The following NDST3 variants were observed in gnomAD, a reference collection of about 807,000 sequenced individuals.
NDST3 encodes N-deacetylase and N-sulfotransferase 3.
In NDST3, 58 loss-of-function variants were observed where a neutral mutation model predicts 96.1. That is an observed-to-expected ratio of 0.60 (90% CI 0.49 to 0.75). The LOEUF is 0.75. Among genes scored for constraint, NDST3 ranks in the 30% least tolerant of loss-of-function variants. The pLI is 0.00. For synonymous variants in NDST3, 333 were observed against 359.7 expected (o/e 0.93, Z 0.84); for missense variants, 788 against 1,034.2 (o/e 0.76, Z 3.27).
chr4:118,085,101 C>T (rs1400650102), intron 2 of NDST3, among the ~76,000 whole-genome samples: 29 of 146,164 alleles, frequency 2.0e-4, no homozygotes, highest in Non-Finnish European at 3.6e-4. Flanking sequence ...CCAGCCTGGG[C>T]GACAGAGCGA....
rs150556933 is a variant in NDST3 at position 118,121,702 on chromosome 4, T to G, written c.1224+6742T>G. 3.4e-3 allele frequency among the ~76,000 whole-genome samples: 514 copies of G among 152,252 alleles called. 2 individuals carry two copies. The highest frequency in any genetic ancestry group is 0.011 in the African/African-American group (471 of 41,556). Reference sequence around the variant, plus strand: ...TGAGGAAGCATAAGAGAATAACAGGTCAAAAATAACATTAGGGTTTAAGCC... The same window carrying G: ...TGAGGAAGCATAAGAGAATAACAGGGCAAAAATAACATTAGGGTTTAAGCC... On this transcript the variant is annotated intron_variant, in intron 4 of 13. Transcript: ENST00000296499.
chr4:118,124,775 T>C (rs2125879042), intron 4 of NDST3, among the ~76,000 whole-genome samples: 1 of 152,224 alleles, frequency 6.6e-6, no homozygotes, highest in South Asian at 2.1e-4. Flanking sequence ...AGTGATAAGG[T>C]GACACTTCTG....
intron 1 of NDST3, among the ~76,000 whole-genome samples, chr4:118,047,904 C>T (rs180765729): frequency 4.0e-4 from 61 of 152,146 alleles, no homozygotes; most frequent in Admixed American, 5.2e-4. Flanking sequence ...TATGAGATAA[C>T]CATCCTTAAG....
Position 118,066,142 on chromosome 4 carries a change from T to TATATATA in NDST3, c.981+11251_981+11252insATATATA, listed in dbSNP as rs1560617570. Among the ~76,000 whole-genome samples the TATATATA allele has an allele frequency of 5.7e-4, 17 of 29,760 alleles. 1 individual carries two copies. Among genetic ancestry groups the TATATATA allele is most frequent in the African/African-American group, 1.1e-3 (17 of 15,004 alleles). The allele number at this position is 29,760 out of a possible 152,430, so 19.5% of individuals were successfully genotyped here. A position where few individuals can be genotyped will look rare whatever the true frequency, so the allele number is the denominator to read the frequency against. On this transcript the variant is annotated intron_variant, in intron 2 of 13. Transcript: ENST00000296499. The stretch of plus-strand genomic sequence containing the variant: ...ATATTATATATATTATATAATATAT[T>TATATATA]TTATATATTATATATATTATATATT...
intron 9 of NDST3, among the ~76,000 whole-genome samples, chr4:118,235,706 A>C (rs1406928682): frequency 1.3e-5 from 2 of 152,212 alleles, no homozygotes; most frequent in African/African-American, 4.8e-5. Context: ...CTTCTACATA[A>C]GAAGCATCCT....
chr4:118,169,017 C>T (rs1367371026), intron 6 of NDST3, among the ~76,000 whole-genome samples: 2 of 152,060 alleles, frequency 1.3e-5, no homozygotes, highest in Non-Finnish European at 2.9e-5. Context: ...GATGAATACC[C>T]TCTAGAGATC....
chr4:118,061,228 G>T (rs1013863247), intron 2 of NDST3, among the ~76,000 whole-genome samples: 1 of 152,044 alleles, frequency 6.6e-6, no homozygotes, highest in African/African-American at 2.4e-5. Flanking sequence ...TCTCCCTAAA[G>T]TGTCCTTCCC....
intron 4 of NDST3, among the ~76,000 whole-genome samples, chr4:118,128,312 G>A (rs1184290537): frequency 6.6e-6 from 1 of 152,040 alleles, no homozygotes; most frequent in African/African-American, 2.4e-5. Flanking sequence ...TATGACACCA[G>A]CTTTGGGTCT....
intron 2 of NDST3, among the ~76,000 whole-genome samples, chr4:118,097,359 A>G (rs1209931729): frequency 2.0e-5 from 3 of 151,984 alleles, no homozygotes; most frequent in African/African-American, 7.2e-5. Context: ...TTATTTCCTT[A>G]CTGTGTACCA....
chr4:118,082,544 G>C (rs1170755191), intron 2 of NDST3, among the ~76,000 whole-genome samples: 1 of 152,154 alleles, frequency 6.6e-6, no homozygotes, highest in Non-Finnish European at 1.5e-5. Flanking sequence ...CAGTAAGCCT[G>C]AGTGACCTTT....
At chr4:118,100,029 T>C (rs1478647889) in intron 2 of NDST3, among the ~76,000 whole-genome samples, 1 of 152,026 alleles carries the variant, frequency 6.6e-6, no homozygotes, top group East Asian at 1.9e-4. Flanking sequence ...GCTCATCTTA[T>C]GTGTGAACGT....
At chr4:118,131,935 C>A (rs1460022472) in intron 4 of NDST3, among the ~76,000 whole-genome samples, 2 of 151,976 alleles carry the variant, frequency 1.3e-5, no homozygotes, top group African/African-American at 4.8e-5. Context: ...TGCTGAGCTG[C>A]CTGGAACTGG....
chr4:118,111,639 C>A (rs1730650528), intron 3 of NDST3, among the ~76,000 whole-genome samples: 1 of 151,422 alleles, frequency 6.6e-6, no homozygotes, highest in African/African-American at 2.4e-5. Flanking sequence ...CGGGTTAACG[C>A]CATTCTCCTG....
At position 118,224,550 on chromosome 4, in the gene NDST3, A is replaced by G. The variant is rs140399813; in HGVS notation, c.1599A>G (p.Thr533=). The stretch of plus-strand genomic sequence containing the variant: ...GGAATGACCGACTGGGATTATATAC[A>G]TTTGTTAATCTGGCCAACTTTGTGA... ...NYGNDRLGLY[T]FVNLANFVKS... Residue 533 remains threonine (T), a synonymous_variant, in exon 7 of 14, where the codon ACA becomes ACG. Coordinates refer to ENST00000296499, the MANE Select transcript of NDST3 (RefSeq NM_004784.3). The G allele has an allele frequency of 5.8e-5, 93 of 1,612,906 alleles. No homozygotes were observed. In the East Asian group the frequency reaches 8.9e-4, roughly 15 times the overall value.
chr4:118,052,923 C>T (rs1725162923), intron 1 of NDST3, among the ~76,000 whole-genome samples: 1 of 152,010 alleles, frequency 6.6e-6, no homozygotes, highest in Non-Finnish European at 1.5e-5. Flanking sequence ...CATGAAGTCT[C>T]AGTTGTTTTC....
chr4:118,049,413 T>C (rs1331973279), intron 1 of NDST3, among the ~76,000 whole-genome samples: 1 of 151,218 alleles, frequency 6.6e-6, no homozygotes, highest in African/African-American at 2.4e-5. Flanking sequence ...AAAATCCATA[T>C]AAAAGACCAA....
At chr4:118,169,431 A>C (rs998712833) in intron 6 of NDST3, among the ~76,000 whole-genome samples, 1 of 152,168 alleles carries the variant, frequency 6.6e-6, no homozygotes, top group Non-Finnish European at 1.5e-5. Context: ...TAGCCCCAAA[A>C]TAAAGAGGCT....
chr4:118,169,453 T>G (rs2125935253), intron 6 of NDST3, among the ~76,000 whole-genome samples: 1 of 152,234 alleles, frequency 6.6e-6, no homozygotes, highest in Non-Finnish European at 1.5e-5. Context: ...AAAAAAACAT[T>G]AATCATTTTA....
At chr4:118,151,362 A>G (rs544027585) in intron 6 of NDST3, among the ~76,000 whole-genome samples, 31 of 152,280 alleles carry the variant, frequency 2.0e-4, no homozygotes, top group Non-Finnish European at 3.4e-4. Context: ...TATTGTGCAC[A>G]TGTACCCTAA....
Sources: gnomAD v4.1 joint callset for allele counts (sites outside exome capture counted in the v4.1 genomes callset) on GRCh38, gnomAD v4.1.1 for gene constraint, MANE v1.5 for transcripts, NCBI Gene and HGNC (gene_info 2026-07-23, HGNC 2026-07-21) for gene names.